The following SEMA3E variants were observed in gnomAD, a reference collection of about 807,000 sequenced individuals.
SEMA3E encodes the protein semaphorin-3E.
Under a neutral mutation model 93.6 loss-of-function variants are expected in SEMA3E, and 49 were observed. The ratio of observed to expected loss-of-function variants is 0.52; its 90% CI spans 0.42 to 0.66. The LOEUF is 0.66. Among genes scored for constraint, SEMA3E ranks in the 30% least tolerant of loss-of-function variants. The pLI is 0.00. For synonymous variants in SEMA3E, 363 were observed against 330.7 expected (o/e 1.10, Z -1.06); for missense variants, 906 against 964.8 (o/e 0.94, Z 0.81).
chr7:83,550,388 T>C (rs1173212453), intron 1 of SEMA3E, among the ~76,000 whole-genome samples: 1 of 152,104 alleles, frequency 6.6e-6, no homozygotes, highest in Non-Finnish European at 1.5e-5. Flanking sequence ...TGCTGACATA[T>C]ATAGTAAGGC....
intron 2 of SEMA3E, among the ~76,000 whole-genome samples, chr7:83,487,281 G>A (rs1464696241): frequency 6.6e-6 from 1 of 152,094 alleles, no homozygotes; most frequent in African/African-American, 2.4e-5. Flanking sequence ...TAAATTTTGT[G>A]TACATGAGTC....
At chr7:83,501,475 T>G (rs954472542) in intron 1 of SEMA3E, among the ~76,000 whole-genome samples, 1 of 152,170 alleles carries the variant, frequency 6.6e-6, no homozygotes, top group African/African-American at 2.4e-5. Context: ...CTTTTTGAGA[T>G]GGAGTCTTTC....
At chr7:83,461,269 C>T (rs939727767) in intron 4 of SEMA3E, among the ~76,000 whole-genome samples, 3 of 152,112 alleles carry the variant, frequency 2.0e-5, no homozygotes, top group Admixed American at 6.5e-5. Flanking sequence ...CCCTCAGTAC[C>T]AACCCCAAGC....
chr7:83,502,692 A>G lies in SEMA3E; in HGVS notation c.116-12418T>C, dbSNP rs115526870. 4.1e-3 allele frequency among the ~76,000 whole-genome samples: 631 copies of G among 152,296 alleles called. 8 individuals carry two copies. The highest frequency in any genetic ancestry group is 0.014 in the African/African-American group (596 of 41,568). ...TCATATCCTGTATTGCATGAATGCTACTAGGTTTTGTGTTTTTTAAAATTT... is the reference window on the plus strand; with the variant it reads ...TCATATCCTGTATTGCATGAATGCTGCTAGGTTTTGTGTTTTTTAAAATTT... On this transcript the variant is annotated intron_variant, in intron 1 of 16. Coordinates refer to ENST00000643230, the MANE Select transcript of SEMA3E (RefSeq NM_012431.3).
chr7:83,489,729 T>C (rs1018051390), intron 2 of SEMA3E, among the ~76,000 whole-genome samples: 1 of 103,666 alleles, frequency 9.6e-6, no homozygotes, highest in Non-Finnish European at 2.0e-5. Context: ...GAGGTAGTTA[T>C]ATCGAGGCCA....
In SEMA3E at chr7:83,490,169, C is replaced by T. The variant is rs781262911; in HGVS notation, c.221G>A (p.Gly74Asp). The change falls in exon 2 of 17, where the codon GGC (glycine) becomes GAC (aspartate). Residue 74 changes from glycine (G) to aspartate (D), a missense_variant. Transcript: ENST00000643230. ...DEYQERLFVG[G>D]RDLVYSLSLE... ...GCTGAGGGAATATACAAGGTCCCTG[C>T]CTCCCACGAAGAGCCTCTCTTGATA... 1 of 1,613,052 alleles carries T rather than the reference C, an allele frequency of 6.2e-7. No homozygotes were observed. The highest frequency in any genetic ancestry group is 1.1e-5 in the South Asian group (1 of 91,060).
At chr7:83,373,947 C>T (rs996655065) in intron 16 of SEMA3E, among the ~76,000 whole-genome samples, 1 of 152,226 alleles carries the variant, frequency 6.6e-6, no homozygotes, top group African/African-American at 2.4e-5. Context: ...TGTTTCACGC[C>T]TGTAATCCCA....
chr7:83,644,143 A>C (rs1393224402), intron 1 of SEMA3E, among the ~76,000 whole-genome samples: 1 of 151,978 alleles, frequency 6.6e-6, no homozygotes, highest in African/African-American at 2.4e-5. Flanking sequence ...ATGAATTCTA[A>C]AATGTGTGTT....
Position 83,567,504 on chromosome 7 carries a change from A to G in SEMA3E, c.116-77230T>C, listed in dbSNP as rs544831610. On this transcript the variant is annotated intron_variant, in intron 1 of 16. Coordinates refer to ENST00000643230, the MANE Select transcript of SEMA3E (RefSeq NM_012431.3). ...TTCCACAGGATAGGCCATATGTTAG[A>G]ACACAGAGCAAGTTTCAACAAATTT... Among the ~76,000 whole-genome samples, 5 of 152,240 alleles carry G rather than the reference A, an allele frequency of 3.3e-5. No individual in the cohort carries two copies. In the East Asian group the frequency reaches 9.7e-4, roughly 29 times the overall value.
chr7:83,506,028 A>T (rs1438524281), intron 1 of SEMA3E, among the ~76,000 whole-genome samples: 1 of 133,358 alleles, frequency 7.5e-6, no homozygotes. Context: ...AAAAAAAAAA[A>T]AAAAATATAT....
intron 14 of SEMA3E, among the ~76,000 whole-genome samples, chr7:83,388,138 G>A (rs916791128): frequency 5.4e-5 from 8 of 147,966 alleles, no homozygotes; most frequent in African/African-American, 1.2e-4. Context: ...GTGAAACCCC[G>A]TGTCTACTAA....
At chr7:83,454,040 C>T (rs746593222) in intron 4 of SEMA3E, among the ~76,000 whole-genome samples, 21 of 151,250 alleles carry the variant, frequency 1.4e-4, no homozygotes, top group Non-Finnish European at 2.5e-4. Context: ...GGGTGGATCA[C>T]GAGGTCAGGA....
At chr7:83,592,469 T>C (rs1050286614) in intron 1 of SEMA3E, among the ~76,000 whole-genome samples, 1 of 96 alleles carries the variant, frequency 0.01, no homozygotes, top group Non-Finnish European at 0.02. Context: ...AAATTGTTTT[T>C]CCACCTACCT....
intron 4 of SEMA3E, among the ~76,000 whole-genome samples, chr7:83,429,442 C>G (rs1018916515): frequency 6.6e-6 from 1 of 152,192 alleles, no homozygotes; most frequent in Non-Finnish European, 1.5e-5. Context: ...ACAGCTCTGC[C>G]TACTGGCTAG....
intron 1 of SEMA3E, among the ~76,000 whole-genome samples, chr7:83,528,297 A>G (rs1392157183): frequency 6.6e-6 from 1 of 152,194 alleles, no homozygotes; most frequent in Non-Finnish European, 1.5e-5. Context: ...AATATCAAAA[A>G]TCACAAGTGT....
intron 1 of SEMA3E, among the ~76,000 whole-genome samples, chr7:83,531,410 A>T (rs1791297536): frequency 7.4e-6 from 1 of 135,590 alleles, no homozygotes; most frequent in African/African-American, 2.8e-5. Flanking sequence ...GCAGTGATGC[A>T]ATCTTGACTC....
intron 2 of SEMA3E, among the ~76,000 whole-genome samples, chr7:83,484,210 A>C (rs903045697): frequency 7.2e-5 from 11 of 152,172 alleles, no homozygotes; most frequent in Admixed American, 2.6e-4. Flanking sequence ...AAATATTTTC[A>C]CTGACCACTC....
chr7:83,477,176 T>C (rs1441034377), intron 2 of SEMA3E, among the ~76,000 whole-genome samples: 1 of 152,136 alleles, frequency 6.6e-6, no homozygotes, highest in Non-Finnish European at 1.5e-5. Context: ...GATTATCTTT[T>C]TATTTAAAGA....
intron 1 of SEMA3E, among the ~76,000 whole-genome samples, chr7:83,514,883 T>C (rs903456117): frequency 4.3e-4 from 66 of 152,166 alleles, no homozygotes; most frequent in African/African-American, 1.5e-3. Flanking sequence ...TGAATTCTAC[T>C]TTGGATAATA....
Sources: gnomAD v4.1 joint callset for allele counts (sites outside exome capture counted in the v4.1 genomes callset) on GRCh38, gnomAD v4.1.1 for gene constraint, MANE v1.5 for transcripts, NCBI Gene and HGNC (gene_info 2026-07-23, HGNC 2026-07-21) for gene names.